The following KCNQ1OT1 variants were observed in gnomAD, a reference collection of about 807,000 sequenced individuals.
The protein encoded by KCNQ1OT1 is KCNQ1 opposite strand/antisense transcript 1, also known as KCNQ1 antisense RNA 2 (non-protein coding).
Position 2,657,190 on chromosome 11 carries a change from G to A in KCNQ1OT1, n.42805C>T. On this transcript the variant is annotated non_coding_transcript_exon_variant, in exon 1 of 1. Transcript: ENST00000597346. The surrounding 1 kb of genome is among the most constrained non-coding windows in gnomAD (Gnocchi z 4.8). ...CACCTTGTTCTTCTTCAAGAATATTGCCAATTCTTGGCTTTTTGCACTTCC... is the reference window on the plus strand; with the variant it reads ...CACCTTGTTCTTCTTCAAGAATATTACCAATTCTTGGCTTTTTGCACTTCC... The A allele has an allele frequency of 2.5e-6, 1 of 398,598 alleles. No homozygotes were observed. The highest frequency in any genetic ancestry group is 4.4e-6 in the Non-Finnish European group (1 of 226,060). 24.7% of individuals were successfully genotyped at this position (398,598 alleles called of 1,614,324 possible). A position where few individuals can be genotyped will look rare whatever the true frequency, so the allele number is the denominator to read the frequency against.
At chr11:2,614,717 T>C (rs144201983) in exon 1 of KCNQ1OT1, 1 of 398,502 alleles carries the variant, frequency 2.5e-6, no homozygotes, top group Non-Finnish European at 4.4e-6. Context: ...TTCTCTATTA[T>C]ATTCCATTGG....
At position 2,615,372 on chromosome 11, in the gene KCNQ1OT1, A is replaced by G. The variant is rs1372556267; in HGVS notation, n.84623T>C. 7.0e-5 allele frequency: 28 copies of G among 397,934 alleles called. No individual in the cohort carries two copies. The Admixed American group carries it at 1.2e-3, about 18-fold the overall frequency. The allele number at this position is 397,934 out of a possible 1,614,324, so 24.7% of individuals were successfully genotyped here. On this transcript the variant is annotated non_coding_transcript_exon_variant, in exon 1 of 1. Coordinates refer to ENST00000597346, the Ensembl canonical transcript of KCNQ1OT1. Reference sequence around the variant, plus strand: ...TTTTACTGCTTCCTTTCCAATTTGGATGCTATTCATTTACCTGTTTGTTTA... The same window carrying G: ...TTTTACTGCTTCCTTTCCAATTTGGGTGCTATTCATTTACCTGTTTGTTTA...
At chr11:2,662,611 T>C in exon 1 of KCNQ1OT1, 3 of 414,776 alleles carry the variant, frequency 7.2e-6, no homozygotes, top group Middle Eastern at 6.2e-4. Flanking sequence ...CGTCACGGCA[T>C]GGCCAGGCCA....
At chr11:2,685,005 T>A in exon 1 of KCNQ1OT1, 1 of 398,698 alleles carries the variant, frequency 2.5e-6, no homozygotes, top group Non-Finnish European at 4.4e-6. Context: ...TTCATTCATA[T>A]CTTCTTGCCA....
At chr11:2,628,830 T>C (rs567459211) in exon 1 of KCNQ1OT1, 8 of 398,384 alleles carry the variant, frequency 2.0e-5, no homozygotes, top group Admixed American at 4.4e-5. Context: ...TTTTTTTGCA[T>C]GTGGATATCC....
exon 1 of KCNQ1OT1, chr11:2,694,512 A>G (rs1347186143): frequency 2.5e-6 from 1 of 398,448 alleles, no homozygotes; most frequent in African/African-American, 2.1e-5. Flanking sequence ...TGGCTAAGAA[A>G]CCCTGGTTGC....
exon 1 of KCNQ1OT1, chr11:2,667,830 A>C: frequency 2.5e-6 from 1 of 398,626 alleles, no homozygotes; most frequent in Non-Finnish European, 4.4e-6. Flanking sequence ...GGTGGTGTTA[A>C]ACTTTTAGTT....
At chr11:2,694,844 A>G in exon 1 of KCNQ1OT1, 1 of 398,688 alleles carries the variant, frequency 2.5e-6, no homozygotes, top group Non-Finnish European at 4.4e-6. Context: ...ATGGCAGGTC[A>G]GAGCAAAATT....
At chr11:2,660,214 G>A (rs1000556247) in exon 1 of KCNQ1OT1, 5 of 397,944 alleles carry the variant, frequency 1.3e-5, no homozygotes, top group Middle Eastern at 6.2e-4. Flanking sequence ...TTTGTATGTA[G>A]TACCCTTTAA....
chr11:2,685,810 C>T (rs551773149), exon 1 of KCNQ1OT1: 56 of 398,716 alleles, frequency 1.4e-4, no homozygotes, highest in African/African-American at 1.0e-3. Context: ...CCTGAGAATG[C>T]GATTCCTACT....
chr11:2,659,184 C>T lies in KCNQ1OT1; in HGVS notation n.40811G>A, dbSNP rs1404263179. 2.5e-6 allele frequency: 1 copy of T among 398,468 alleles called. No homozygotes were observed. The highest frequency in any genetic ancestry group is 4.4e-6 in the Non-Finnish European group (1 of 226,056). 24.7% of individuals were successfully genotyped at this position (398,468 alleles called of 1,614,324 possible). On this transcript the variant is annotated non_coding_transcript_exon_variant, in exon 1 of 1. Coordinates refer to ENST00000597346, the Ensembl canonical transcript of KCNQ1OT1. The surrounding 1 kb of genome is among the most constrained non-coding windows in gnomAD (Gnocchi z 4.3). ...GTGGGTTTTGACAGATGTCTGGAGT[C>T]ATGTGTCCACAATCCAGTATCATTC...
chr11:2,633,602 C>T (rs1849400007), exon 1 of KCNQ1OT1: 1 of 398,568 alleles, frequency 2.5e-6, no homozygotes, highest in Non-Finnish European at 4.4e-6. Flanking sequence ...GTTTTCCCAA[C>T]ATGATGTGTT....
Position 2,651,350 on chromosome 11 carries a change from G to A in KCNQ1OT1, n.48645C>T, listed in dbSNP as rs1849754081. On this transcript the variant is annotated non_coding_transcript_exon_variant, in exon 1 of 1. Coordinates refer to ENST00000597346, the Ensembl canonical transcript of KCNQ1OT1. This position sits in a 1 kb window ranked among gnomAD's most constrained non-coding sequence, Gnocchi z 6.1. The stretch of plus-strand genomic sequence containing the variant: ...AGTTCTACAAGCGGCTGAGAGAGCT[G>A]GGGTATTTATCTTTCACTAGTGAGT... 2.5e-6 allele frequency: 1 copy of A among 398,596 alleles called. No homozygotes were observed. Among genetic ancestry groups the A allele is most frequent in the Admixed American group, 4.4e-5 (1 of 22,724 alleles). The allele number at this position is 398,596 out of a possible 1,614,324, so 24.7% of individuals were successfully genotyped here.
In KCNQ1OT1 at chr11:2,624,386, A is replaced by G. The variant is rs1289133676; in HGVS notation, n.75609T>C. 17 of 398,376 alleles carry G rather than the reference A, an allele frequency of 4.3e-5. No individual in the cohort carries two copies. In the Admixed American group the frequency reaches 7.0e-4, roughly 17 times the overall value. 24.7% of individuals were successfully genotyped at this position (398,376 alleles called of 1,614,324 possible). On this transcript the variant is annotated non_coding_transcript_exon_variant, in exon 1 of 1. Transcript: ENST00000597346. This position sits in a 1 kb window ranked among gnomAD's most constrained non-coding sequence, Gnocchi z 4.9. ...TGGCCTGTCCTTTCATCCTCTTGAC[A>G]GTATGTTTTACAGAGCAGAAACTTT...
At chr11:2,684,025 C>A (rs186695161) in exon 1 of KCNQ1OT1, 1 of 398,288 alleles carries the variant, frequency 2.5e-6, no homozygotes, top group African/African-American at 2.1e-5. Context: ...TCAACATCAG[C>A]TAACTTCATC....
chr11:2,648,981 C>CTTTTTTTTTTTTTTTTTTTTTTT, exon 1 of KCNQ1OT1: 32 of 213,282 alleles, frequency 1.5e-4, no homozygotes, highest in Admixed American at 2.9e-4. Context: ...TTTTCTTTTT[C>CTTTTTTTTTTTTTTTTTTTTTTT]TTTTTTTTTT....
At position 2,651,593 on chromosome 11, in the gene KCNQ1OT1, T is replaced by C. The variant is rs1346595752; in HGVS notation, n.48402A>G. On this transcript the variant is annotated non_coding_transcript_exon_variant, in exon 1 of 1. Transcript: ENST00000597346. This position sits in a 1 kb window ranked among gnomAD's most constrained non-coding sequence, Gnocchi z 6.1. ...CTCCATGTCTCCAGTGCCTGCCACATAGCAGGTCCTCCAAGATTTGCTGAT... is the reference window on the plus strand; with the variant it reads ...CTCCATGTCTCCAGTGCCTGCCACACAGCAGGTCCTCCAAGATTTGCTGAT... 5.0e-6 allele frequency: 2 copies of C among 398,694 alleles called. No homozygotes were observed. Among genetic ancestry groups the C allele is most frequent in the African/African-American group, 4.1e-5 (2 of 48,762 alleles). 24.7% of individuals were successfully genotyped at this position (398,694 alleles called of 1,614,324 possible).
chr11:2,673,762 G>C lies in KCNQ1OT1; in HGVS notation n.26233C>G, dbSNP rs910106031. 1.0e-5 allele frequency: 4 copies of C among 398,526 alleles called. No individual in the cohort carries two copies. The highest frequency in any genetic ancestry group is 8.2e-5 in the African/African-American group (4 of 48,614). The allele number at this position is 398,526 out of a possible 1,614,324, so 24.7% of individuals were successfully genotyped here. A position where few individuals can be genotyped will look rare whatever the true frequency, so the allele number is the denominator to read the frequency against. On this transcript the variant is annotated non_coding_transcript_exon_variant, in exon 1 of 1. Coordinates refer to ENST00000597346, the Ensembl canonical transcript of KCNQ1OT1. The surrounding 1 kb of genome is among the most constrained non-coding windows in gnomAD (Gnocchi z 4.5). ...AGGGGAAGGGGTACAGTCCCTTCTT[G>C]CTGGTATGTTGGGAAGCTCTGGTGC...
rs1246715845 is a variant in KCNQ1OT1 at position 2,669,569 on chromosome 11, TG to T, written n.30425del. ...GTCTGTCAGGGAGCCCTGGCCAGCT[TG>T]GGTCATTTCATCCTGCCCACAGGAC... is the stretch of plus-strand genomic sequence containing the variant. On this transcript the variant is annotated non_coding_transcript_exon_variant, in exon 1 of 1. Coordinates refer to ENST00000597346, the Ensembl canonical transcript of KCNQ1OT1. This position sits in a 1 kb window ranked among gnomAD's most constrained non-coding sequence, Gnocchi z 5.6. The T allele has an allele frequency of 2.5e-6, 1 of 398,488 alleles. No individual in the cohort carries two copies. Among genetic ancestry groups the T allele is most frequent in the African/African-American group, 2.1e-5 (1 of 48,620 alleles). 24.7% of individuals were successfully genotyped at this position (398,488 alleles called of 1,614,324 possible). A position where few individuals can be genotyped will look rare whatever the true frequency, so the allele number is the denominator to read the frequency against.
Sources: gnomAD v4.1 joint callset for allele counts on GRCh38, gnomAD v4.1.1 for gene constraint, Gnocchi (gnomAD v3.1) non-coding constraint, MANE v1.5 for transcripts, NCBI Gene and HGNC (gene_info 2026-07-23, HGNC 2026-07-21) for gene names.